Variants in ZFAND6 observed in about 807,000 individuals in gnomAD.
The protein encoded by ZFAND6 is AN1-type zinc finger protein 6.
Under a neutral mutation model 24.5 loss-of-function variants are expected in ZFAND6, and 12 were observed. The ratio of observed to expected loss-of-function variants is 0.49; its 90% CI spans 0.31 to 0.79. ZFAND6 has a LOEUF of 0.79. ZFAND6 is among the 30% of genes least tolerant of loss of function. The pLI is 0.04. For synonymous variants in ZFAND6, 92 were observed against 81.5 expected, an observed-to-expected ratio of 1.13 and a Z score of -0.69; for missense variants, 207 against 245.9, an observed-to-expected ratio of 0.84 and a Z score of 1.06.
intron 2 of ZFAND6, among the ~76,000 whole-genome samples, chr15:80,117,444 T>C (rs1349350105): frequency 6.6e-6 from 1 of 152,138 alleles, no homozygotes; most frequent in East Asian, 1.9e-4. Flanking sequence ...GGATGGCCTC[T>C]ATCTCCAGAC....
chr15:80,070,617 C>G (rs2036922927), intron 1 of ZFAND6, among the ~76,000 whole-genome samples: 1 of 152,138 alleles, frequency 6.6e-6, no homozygotes, highest in Non-Finnish European at 1.5e-5. Context: ...GTCCACAGTT[C>G]TCTTTTCTCT....
At chr15:80,114,516 T>A (rs1484830817) in intron 2 of ZFAND6, among the ~76,000 whole-genome samples, 22 of 152,202 alleles carry the variant, frequency 1.4e-4, no homozygotes, top group Admixed American at 1.4e-3. Flanking sequence ...GGCAGTAAAC[T>A]GTTAAAAATA....
At chr15:80,059,665 C>G (rs1032288673), upstream of ZFAND6, 11 of 152,382 alleles carry the variant, frequency 7.2e-5, no homozygotes, top group African/African-American at 2.7e-4. Flanking sequence ...AACAACCAAA[C>G]AGAAAAGTTT....
At chr15:80,094,643 T>G (rs1458946927) in intron 1 of ZFAND6, among the ~76,000 whole-genome samples, 1 of 152,244 alleles carries the variant, frequency 6.6e-6, no homozygotes, top group Non-Finnish European at 1.5e-5. Flanking sequence ...TCATGTTCCT[T>G]CACCATGTAA....
chr15:80,093,926 C>G (rs1484054849), intron 1 of ZFAND6, among the ~76,000 whole-genome samples: 1 of 152,136 alleles, frequency 6.6e-6, no homozygotes, highest in Admixed American at 6.5e-5. Flanking sequence ...TGACTTAGAT[C>G]TGTGAGTCAT....
At chr15:80,080,598 C>G (rs1250715727) in intron 1 of ZFAND6, among the ~76,000 whole-genome samples, 1 of 152,188 alleles carries the variant, frequency 6.6e-6, no homozygotes, top group Non-Finnish European at 1.5e-5. Flanking sequence ...GTAACTGAAA[C>G]AGCCGACAAT....
chr15:80,118,576 A>G lies in ZFAND6; in HGVS notation c.-17-1752A>G, dbSNP rs191747662. Among the ~76,000 whole-genome samples the G allele has an allele frequency of 5.8e-3, 886 of 152,218 alleles. 9 individuals carry two copies. Among genetic ancestry groups the G allele is most frequent in the Middle Eastern group, 0.037 (11 of 294 alleles). ...GATATGTGTGTGTATGTATGTATAT[A>G]TACATATGTATATATTTTACAGGGC... On this transcript the variant is annotated intron_variant, in intron 2 of 6. Coordinates refer to ENST00000261749, the MANE Select transcript of ZFAND6 (RefSeq NM_019006.4).
At chr15:80,118,016 T>TTGTGTGTGTGTG (rs71455308) in intron 2 of ZFAND6, among the ~76,000 whole-genome samples, 3,919 of 150,372 alleles carry the variant, frequency 0.026, 50 homozygotes, top group Non-Finnish European at 0.029. Flanking sequence ...AGGTATTGAA[T>TTGTGTGTGTGTG]TGTGTGTGTG....
intron 1 of ZFAND6, among the ~76,000 whole-genome samples, chr15:80,096,994 G>A (rs1408854117): frequency 2.7e-5 from 4 of 149,944 alleles, no homozygotes; most frequent in Non-Finnish European, 4.4e-5. Flanking sequence ...GATATAATGT[G>A]TTAGATTTTT....
chr15:80,111,480 G>T, intron 2 of ZFAND6: 1 of 455,312 alleles, frequency 2.2e-6, no homozygotes, highest in Non-Finnish European at 4.4e-6. Context: ...TGGAGTCGCC[G>T]GTAGCCACCT....
chr15:80,137,456 G>A (rs1200445381), intron 6 of ZFAND6, 24 bp from the exon 7 acceptor site: 3 of 1,589,116 alleles, frequency 1.9e-6, no homozygotes, highest in Non-Finnish European at 8.5e-7. Flanking sequence ...TTCAACTCAT[G>A]TATGTGTATT....
Position 80,138,282 on chromosome 15 carries a change from A to C in ZFAND6, c.*654A>C, listed in dbSNP as rs2040948472. 6.6e-6 allele frequency: 1 copy of C among 152,596 alleles called. No homozygotes were observed. Among genetic ancestry groups the C allele is most frequent in the Non-Finnish European group, 1.5e-5 (1 of 68,018 alleles). The allele number at this position is 152,596 out of a possible 1,614,324, so 9.5% of individuals were successfully genotyped here. ...TACAGGTTTCTTTCAGATTATGTTC[A>C]TGGGTTTGTGTGTATACAATATGAA... On this transcript the variant is annotated 3_prime_UTR_variant, in exon 7 of 7. Transcript: ENST00000261749.
chr15:80,075,216 T>A (rs2037202716), intron 1 of ZFAND6: 1 of 173,850 alleles, frequency 5.8e-6, no homozygotes, highest in African/African-American at 2.4e-5. Context: ...AAATTAAAAA[T>A]TTTCCATATT....
At position 80,133,752 on chromosome 15, in the gene ZFAND6, A is replaced by G. The variant is rs561547077; in HGVS notation, c.478+2459A>G. Among the ~76,000 whole-genome samples, 7 of 152,348 alleles carry G rather than the reference A, an allele frequency of 4.6e-5. No homozygotes were observed. In the East Asian group the frequency reaches 1.2e-3, roughly 25 times the overall value. ...GACTTAAGGCAGGAGGAGATCGTCT[A>G]ACTTTACTGTTTTGCGCAAATGCAG... is the stretch of plus-strand genomic sequence containing the variant. On this transcript the variant is annotated intron_variant, in intron 6 of 6. Transcript: ENST00000261749.
At chr15:80,110,958 G>A (rs896968075) in intron 2 of ZFAND6, among the ~76,000 whole-genome samples, 1 of 152,116 alleles carries the variant, frequency 6.6e-6, no homozygotes, top group Non-Finnish European at 1.5e-5. Context: ...GCCTACCCAA[G>A]CAAATGAAAT....
intron 1 of ZFAND6, among the ~76,000 whole-genome samples, chr15:80,087,863 G>T (rs143979415): frequency 1.3e-3 from 203 of 152,144 alleles, no homozygotes; most frequent in African/African-American, 4.7e-3. Context: ...TATTATGCAT[G>T]CATATATAAA....
intron 2 of ZFAND6, among the ~76,000 whole-genome samples, chr15:80,099,499 CT>C (rs1405138983): frequency 1.3e-5 from 2 of 151,796 alleles, no homozygotes; most frequent in African/African-American, 2.4e-5. Flanking sequence ...AATGAAATTA[CT>C]TTCTCTTTCA....
At chr15:80,102,181 C>T (rs970599230) in intron 2 of ZFAND6, among the ~76,000 whole-genome samples, 5 of 151,400 alleles carry the variant, frequency 3.3e-5, no homozygotes, top group Non-Finnish European at 7.4e-5. Context: ...TGGAGTTTCA[C>T]TCTTGTTGCC....
At chr15:80,114,750 C>A (rs1350602542) in intron 2 of ZFAND6, among the ~76,000 whole-genome samples, 3 of 152,256 alleles carry the variant, frequency 2.0e-5, no homozygotes, top group African/African-American at 7.2e-5. Flanking sequence ...ATTTTCTTTA[C>A]AGTCTTAAAG....
Sources: allele counts gnomAD v4.1 joint callset (sites outside exome capture counted in the v4.1 genomes callset), GRCh38; gene constraint gnomAD v4.1.1; transcripts MANE v1.5; gene names NCBI Gene and HGNC (gene_info 2026-07-23, HGNC 2026-07-21).